The following KANK1 variants were observed in gnomAD, a reference collection of about 807,000 sequenced individuals.
The protein encoded by KANK1 is KN motif and ankyrin repeat domain-containing protein 1.
A neutral mutation model predicts 106.2 loss-of-function variants in KANK1; 109 were observed. The ratio of observed to expected loss-of-function variants is 1.03; its 90% CI spans 0.88 to 1.20. KANK1 has a LOEUF of 1.20. Ranked by LOEUF, KANK1 falls within the 50% of genes most tolerant of loss-of-function variation. KANK1 has a pLI of 0.00. For synonymous variants in KANK1, 873 were observed against 652.2 expected (o/e 1.34, Z -5.16); for missense variants, 2,399 against 1,710.7 (o/e 1.40, Z -7.10).
chr9:593,478 T>C (rs1825496055), intron 1 of KANK1, among the ~76,000 whole-genome samples: 2 of 149,962 alleles, frequency 1.3e-5, no homozygotes, highest in South Asian at 4.2e-4. Flanking sequence ...TTGCATTTTT[T>C]TTTTTGACTA....
Position 738,442 on chromosome 9 carries a change from C to G in KANK1, c.3491C>G (p.Thr1164Arg). 6.2e-7 allele frequency: 1 copy of G among 1,614,168 alleles called. No individual in the cohort carries two copies. Among genetic ancestry groups the G allele is most frequent in the Non-Finnish European group, 8.5e-7 (1 of 1,180,034 alleles). Residue 1164 changes from threonine (T) to arginine (R), a missense_variant, in exon 8 of 12, where the codon ACA becomes AGA. By Grantham distance (71) the Thr-to-Arg change is moderately conservative (BLOSUM62 -1). Coordinates refer to ENST00000382297, the MANE Select transcript of KANK1 (RefSeq NM_015158.5). ...VINLADGNGN[T>R]ALHYSVSHSN... ...AACTTGGCAGACGGCAACGGCAACA[C>G]AGCCCTCCATTACAGCGTGTCCCAC...
intron 1 of KANK1, among the ~76,000 whole-genome samples, chr9:518,289 G>T (rs1004407413): frequency 6.6e-6 from 1 of 151,786 alleles, no homozygotes; most frequent in Admixed American, 6.5e-5. Context: ...CATCTGATTT[G>T]AGTCCTGGCT....
intron 1 of KANK1, among the ~76,000 whole-genome samples, chr9:659,792 C>G (rs1329760795): frequency 6.6e-6 from 1 of 152,034 alleles, no homozygotes; most frequent in Non-Finnish European, 1.5e-5. Context: ...CCAGGCCCCT[C>G]TTCCAGCACG....
In KANK1 at chr9:738,269, C is replaced by G. The variant is rs762226513; in HGVS notation, c.3334-16C>G. 3 of 1,603,464 alleles carry G rather than the reference C, an allele frequency of 1.9e-6. No homozygotes were observed. The highest frequency in any genetic ancestry group is 2.2e-5 in the South Asian group (2 of 89,460). On this transcript the variant is annotated splice_polypyrimidine_tract_variant and intron_variant, in intron 7 of 11. Transcript: ENST00000382297. ...CTATAAATAGAAGAACTAACGACCA[C>G]TTGGTGTTTTGGCAGAGGTTCTGTC... is the stretch of plus-strand genomic sequence containing the variant.
chr9:669,818 C>T (rs939050324), intron 1 of KANK1, among the ~76,000 whole-genome samples: 1 of 151,910 alleles, frequency 6.6e-6, no homozygotes, highest in African/African-American at 2.4e-5. Context: ...TTTTTTCTAC[C>T]CCTCACTCTT....
chr9:643,317 ATTGTT>A (rs1328738016), intron 1 of KANK1, among the ~76,000 whole-genome samples: 3 of 150,842 alleles, frequency 2.0e-5, no homozygotes, highest in Non-Finnish European at 2.9e-5. Flanking sequence ...TACTGTAGTT[ATTGTT>A]TTAAGATCTG....
chr9:591,499 C>G (rs1824866785), intron 1 of KANK1, among the ~76,000 whole-genome samples: 1 of 151,674 alleles, frequency 6.6e-6, no homozygotes, highest in Non-Finnish European at 1.5e-5. Flanking sequence ...CACCTCTTGT[C>G]ACTCACCCTT....
intron 9 of KANK1, among the ~76,000 whole-genome samples, chr9:741,476 A>G (rs967834671): frequency 1.6e-5 from 2 of 123,052 alleles, no homozygotes; most frequent in African/African-American, 6.6e-5. Context: ...GGCACACACC[A>G]CCACACCTGG....
intron 7 of KANK1, among the ~76,000 whole-genome samples, chr9:736,517 G>C (rs1019094598): frequency 6.6e-6 from 1 of 151,958 alleles, no homozygotes; most frequent in Admixed American, 6.6e-5. Flanking sequence ...AGACCAGCCT[G>C]GGCAACATGG....
chr9:639,444 G>A (rs1420090556), intron 1 of KANK1, among the ~76,000 whole-genome samples: 1 of 152,056 alleles, frequency 6.6e-6, no homozygotes, highest in African/African-American at 2.4e-5. Context: ...AGCCTCCCAA[G>A]TAGCTGGGAT....
At chr9:693,326 CAGAG>C (rs1820443511) in intron 2 of KANK1, 2 of 931,896 alleles carry the variant, frequency 2.1e-6, no homozygotes, top group Non-Finnish European at 2.6e-6. Context: ...CAAATTGTAA[CAGAG>C]AGCCTTTCTC....
intron 1 of KANK1, among the ~76,000 whole-genome samples, chr9:647,079 TGA>T (rs1839839169): frequency 6.6e-6 from 1 of 151,072 alleles, no homozygotes; most frequent in African/African-American, 2.5e-5. Context: ...GCCATCCCCA[TGA>T]CTTTGTTATC....
At chr9:561,944 T>C (rs1009877630) in intron 1 of KANK1, among the ~76,000 whole-genome samples, 3 of 152,136 alleles carry the variant, frequency 2.0e-5, no homozygotes, top group African/African-American at 7.2e-5. Context: ...TGCTGTTAGG[T>C]TGCATGTATG....
intron 2 of KANK1, chr9:686,973 T>A (rs1490481658): frequency 1.0e-6 from 1 of 977,802 alleles, no homozygotes; most frequent in Non-Finnish European, 1.2e-6. Context: ...TATCCTTTGG[T>A]ATGTTGTCCC....
chr9:607,016 G>A (rs1563849221), intron 1 of KANK1, among the ~76,000 whole-genome samples: 1 of 151,644 alleles, frequency 6.6e-6, no homozygotes, highest in South Asian at 2.1e-4. Flanking sequence ...GGAAAACTGT[G>A]GGACTGGGAC....
In KANK1 at chr9:716,722, A is replaced by G. The variant is rs141818653; in HGVS notation, c.2698+3258A>G. Among the ~76,000 whole-genome samples the G allele has an allele frequency of 2.6e-3, 391 of 152,330 alleles. 1 individual carries two copies. The highest frequency in any genetic ancestry group is 6.8e-3 in the Middle Eastern group (2 of 294). On this transcript the variant is annotated intron_variant, in intron 3 of 11. Transcript: ENST00000382297. ...TAGCAGCATCATAATGCTTAACACT[A>G]TATTTAATTTCTTAAAATTACAACT... is the stretch of plus-strand genomic sequence containing the variant.
chr9:541,789 C>A (rs1279573187), intron 1 of KANK1, among the ~76,000 whole-genome samples: 5 of 151,892 alleles, frequency 3.3e-5, no homozygotes. Flanking sequence ...AATAAATAAC[C>A]GGATTAAAAA....
At chr9:739,981 G>C (rs918415835) in intron 8 of KANK1, among the ~76,000 whole-genome samples, 3 of 152,180 alleles carry the variant, frequency 2.0e-5, no homozygotes, top group African/African-American at 7.2e-5. Flanking sequence ...GTATGGAGTT[G>C]TTTGGGATCT....
At chr9:540,723 A>T (rs560917049) in intron 1 of KANK1, 4 of 152,024 alleles carry the variant, frequency 2.6e-5, no homozygotes, top group African/African-American at 9.7e-5. Flanking sequence ...CAGATTTTCT[A>T]TTTCTGTATT....
Sources: gnomAD v4.1 joint callset for allele counts (sites outside exome capture counted in the v4.1 genomes callset) on GRCh38, gnomAD v4.1.1 for gene constraint, MANE v1.5 for transcripts, NCBI Gene and HGNC (gene_info 2026-07-23, HGNC 2026-07-21) for gene names.